ARSJ: variants seen among roughly 807,000 people sequenced by gnomAD.
ARSJ encodes the protein arylsulfatase family member J, also known as arylsulfatase J.
A neutral mutation model predicts 35.9 loss-of-function variants in ARSJ; 26 were observed. That is an observed-to-expected ratio of 0.72 (90% CI 0.53 to 1.00). The LOEUF is 1.00. ARSJ is among the 50% of genes least tolerant of loss of function. ARSJ has a pLI of 0.00. For missense variants in ARSJ, 667 were observed against 723.6 expected (o/e 0.92, Z 0.90); for synonymous variants, 294 against 267.6 (o/e 1.10, Z -0.96).
At chr4:113,931,560 C>CA (rs1489075310) in intron 1 of ARSJ, among the ~76,000 whole-genome samples, 2 of 152,010 alleles carry the variant, frequency 1.3e-5, no homozygotes, top group Non-Finnish European at 2.9e-5. Context: ...TAAATGTCTT[C>CA]AAGAAACTAT....
At chr4:113,911,114 T>A (rs144814301) in intron 1 of ARSJ, among the ~76,000 whole-genome samples, 3 of 151,934 alleles carry the variant, frequency 2.0e-5, no homozygotes, top group African/African-American at 7.2e-5. Flanking sequence ...AGGTGAAGAG[T>A]TGAAGGGAAG....
intron 1 of ARSJ, among the ~76,000 whole-genome samples, chr4:113,922,608 T>C (rs1723755303): frequency 6.6e-6 from 1 of 152,172 alleles, no homozygotes; most frequent in South Asian, 2.1e-4. Flanking sequence ...CTTTTACTTA[T>C]ACATTACAGA....
chr4:113,911,778 T>A (rs1171304040), intron 1 of ARSJ, among the ~76,000 whole-genome samples: 2 of 152,172 alleles, frequency 1.3e-5, no homozygotes, highest in African/African-American at 4.8e-5. Context: ...TAGGATAAAG[T>A]AAAATAAATA....
intron 1 of ARSJ, among the ~76,000 whole-genome samples, chr4:113,956,299 T>A (rs559926238): frequency 6.6e-6 from 1 of 152,180 alleles, no homozygotes; most frequent in Admixed American, 6.6e-5. Flanking sequence ...TAGGGAATAT[T>A]TAATATATTC....
At chr4:113,920,408 C>G (rs1723594886) in intron 1 of ARSJ, among the ~76,000 whole-genome samples, 1 of 152,100 alleles carries the variant, frequency 6.6e-6, no homozygotes, top group African/African-American at 2.4e-5. Context: ...TTTGCAGAAA[C>G]AAGTCCAAAT....
intron 1 of ARSJ, among the ~76,000 whole-genome samples, chr4:113,972,135 C>A (rs553109219): frequency 9.9e-5 from 15 of 152,212 alleles, no homozygotes; most frequent in African/African-American, 3.4e-4. Context: ...GGAGGCCTAT[C>A]TGGATTCTAT....
rs1326582526 is a variant in ARSJ, at chr4:113,978,686, A to G, written c.149T>C (p.Leu50Ser). 6.2e-7 allele frequency: 1 copy of G among 1,614,208 alleles called. No individual in the cohort carries two copies. Among genetic ancestry groups the G allele is most frequent in the South Asian group, 1.1e-5 (1 of 91,082 alleles). The change falls in exon 1 of 2, where the codon TTA becomes TCA. Residue 50 changes from leucine to serine, a missense_variant. Physicochemically the swap from Leu to Ser is moderately radical, Grantham distance 145 (BLOSUM62 -2). Coordinates refer to ENST00000315366, the MANE Select transcript of ARSJ (RefSeq NM_024590.4). ...TYGYLSWGQA[L>S]EEEEEGALLA... is the part of the protein sequence containing the mutation. ...TAAGGCCCCTTCTTCCTCCTCTTCTAAGGCCTGGCCCCAGGACAGGTAACC... is the reference window on the plus strand; with the variant it reads ...TAAGGCCCCTTCTTCCTCCTCTTCTGAGGCCTGGCCCCAGGACAGGTAACC...
At chr4:113,975,487 A>G (rs1407350759) in intron 1 of ARSJ, among the ~76,000 whole-genome samples, 9 of 152,146 alleles carry the variant, frequency 5.9e-5, no homozygotes, top group Admixed American at 5.9e-4. Flanking sequence ...CAAAACTGTA[A>G]AAAAAGAAGT....
chr4:113,957,722 A>C (rs1241772721), intron 1 of ARSJ, among the ~76,000 whole-genome samples: 8 of 152,118 alleles, frequency 5.3e-5, no homozygotes, highest in African/African-American at 1.9e-4. Flanking sequence ...AAAAAGTAAC[A>C]TTAACTTGCA....
At chr4:113,954,960 T>A (rs1726076279) in intron 1 of ARSJ, among the ~76,000 whole-genome samples, 1 of 152,014 alleles carries the variant, frequency 6.6e-6, no homozygotes, top group South Asian at 2.1e-4. Context: ...CAGAAGTATG[T>A]CCTTTCTTCT....
intron 1 of ARSJ, among the ~76,000 whole-genome samples, chr4:113,937,893 C>A (rs1455127032): frequency 1.3e-5 from 2 of 151,656 alleles, no homozygotes; most frequent in Admixed American, 1.3e-4. Context: ...TTGGAGAGGA[C>A]AAAAACAAAT....
Position 113,935,352 on chromosome 4 carries a change from AT to A in ARSJ, c.399-31678del, listed in dbSNP as rs1300706281. Among the ~76,000 whole-genome samples, 3 of 151,912 alleles carry A rather than the reference AT, an allele frequency of 2.0e-5. No individual in the cohort carries two copies. The East Asian group carries it at 5.8e-4, about 29-fold the overall frequency. ...TCTTTTCCTCATTCATATAGTAAACATTTATTGAGCAACTTCTGTGAGTAAG... is the reference window on the plus strand; with the variant it reads ...TCTTTTCCTCATTCATATAGTAAACATTATTGAGCAACTTCTGTGAGTAAG... On this transcript the variant is annotated intron_variant, in intron 1 of 1. Transcript: ENST00000315366.
rs866896690 is a variant in ARSJ, at chr4:113,979,534, C to G, written c.-700G>C. 1 of 152,352 alleles carries G rather than the reference C, an allele frequency of 6.6e-6. No individual in the cohort carries two copies. The highest frequency in any genetic ancestry group is 1.5e-5 in the Non-Finnish European group (1 of 68,116). The allele number at this position is 152,352 out of a possible 1,614,324, so 9.4% of individuals were successfully genotyped here. A position where few individuals can be genotyped will look rare whatever the true frequency, so the allele number is the denominator to read the frequency against. ...AAACTCCGGGCAGCAATTCCTTTTC[C>G]CCGCTGCTAGGGAGCCTGAAGGCCA... On this transcript the variant is annotated 5_prime_UTR_variant, in exon 1 of 2. Coordinates refer to ENST00000315366, the MANE Select transcript of ARSJ (RefSeq NM_024590.4).
At chr4:113,978,337 T>C in intron 1 of ARSJ, 100 bp downstream of exon 1, 1 of 1,109,370 alleles carries the variant, frequency 9.0e-7, no homozygotes, top group Non-Finnish European at 1.3e-6. Context: ...CATTCAGTTG[T>C]TCCCCATACT....
At chr4:113,936,795 A>G (rs1462026164) in intron 1 of ARSJ, among the ~76,000 whole-genome samples, 1 of 151,878 alleles carries the variant, frequency 6.6e-6, no homozygotes, top group Non-Finnish European at 1.5e-5. Flanking sequence ...GAACTCATAA[A>G]AGCAGAATAA....
intron 1 of ARSJ, among the ~76,000 whole-genome samples, chr4:113,969,086 C>A (rs62314638): frequency 6.6e-5 from 10 of 152,098 alleles, no homozygotes; most frequent in Non-Finnish European, 1.0e-4. Context: ...TAATCACTGG[C>A]CTTTCCATTA....
At chr4:113,926,509 A>G (rs1724075230) in intron 1 of ARSJ, among the ~76,000 whole-genome samples, 1 of 152,074 alleles carries the variant, frequency 6.6e-6, no homozygotes. Context: ...TCTTTTATCA[A>G]CTGATCATAG....
intron 1 of ARSJ, among the ~76,000 whole-genome samples, chr4:113,960,623 G>A (rs1051572166): frequency 6.6e-6 from 1 of 151,996 alleles, no homozygotes; most frequent in African/African-American, 2.4e-5. Flanking sequence ...TAGATCTGTA[G>A]CTTTTTATTA....
At chr4:113,904,132 T>C (rs2099667999) in intron 1 of ARSJ, among the ~76,000 whole-genome samples, 1 of 152,074 alleles carries the variant, frequency 6.6e-6, no homozygotes, top group South Asian at 2.1e-4. Context: ...TTTCACCATG[T>C]TGGCCAGGCT....
Sources: allele counts gnomAD v4.1 joint callset (sites outside exome capture counted in the v4.1 genomes callset), GRCh38; gene constraint gnomAD v4.1.1; transcripts MANE v1.5; gene names NCBI Gene and HGNC (gene_info 2026-07-23, HGNC 2026-07-21).